SYCE1: variants seen among roughly 807,000 people sequenced by gnomAD.
SYCE1 encodes the protein synaptonemal complex central element protein 1, also known as cancer/testis antigen 76.
SYCE1 carries 37 observed loss-of-function variants against 55.1 expected under a neutral mutation model. The observed-to-expected ratio is 0.67, with a 90% confidence interval of 0.52 to 0.88. The LOEUF is 0.88. SYCE1 is among the 40% of genes least tolerant of loss of function. The pLI is 0.00. For synonymous variants in SYCE1, 163 were observed against 159.4 expected (o/e 1.02, Z -0.17); for missense variants, 399 against 416.4 (o/e 0.96, Z 0.36).
chr10:133,557,179 C>T, intron 6 of SYCE1, 23 bp from the exon 7 acceptor site: 2 of 1,608,014 alleles, frequency 1.2e-6, no homozygotes, highest in Non-Finnish European at 1.7e-6. Flanking sequence ...AGGCAGCCCT[C>T]AGCCATGTTC....
chr10:133,557,055 G>A lies in SYCE1; in HGVS notation c.464+12C>T, dbSNP rs769749728. The stretch of plus-strand genomic sequence containing the variant: ...GCCATCCAAACCCCCTGCCTCAGAT[G>A]CTAAGGTTTACCTCAGCTGTCTCTG... On this transcript the variant is annotated intron_variant, in intron 7 of 12. Transcript: ENST00000343131. The A allele has an allele frequency of 2.5e-6, 4 of 1,613,214 alleles. No homozygotes were observed. The highest frequency in any genetic ancestry group is 3.4e-6 in the Non-Finnish European group (4 of 1,179,286).
At chr10:133,556,673 G>A (rs903035959) in intron 8 of SYCE1, 86 bp downstream of exon 8, 5 of 1,392,546 alleles carry the variant, frequency 3.6e-6, no homozygotes, top group Middle Eastern at 1.7e-4. Flanking sequence ...GACTGGTTGT[G>A]GCAGGTGAGA....
intron 1 of SYCE1, 89 bp from the exon 2 acceptor site, chr10:133,560,242 C>T: frequency 9.0e-7 from 1 of 1,116,724 alleles, no homozygotes; most frequent in South Asian, 1.3e-5. Context: ...GGCAGGTCTC[C>T]AGCCAGAGTG....
chr10:133,565,599 G>T, upstream of SYCE1: 1 of 1,483,890 alleles, frequency 6.7e-7, no homozygotes, highest in Non-Finnish European at 9.1e-7. Context: ...AACCGCCGCT[G>T]GGGGCAGGAC....
chr10:133,566,905 C>T (rs61868696), upstream of SYCE1, among the ~76,000 whole-genome samples: 1 of 28,298 alleles, frequency 3.5e-5, no homozygotes, highest in African/African-American at 4.7e-5. Flanking sequence ...TTAAGGGTTG[C>T]AGGTTAGGCT....
At chr10:133,554,348 CT>C (rs770574003), downstream of SYCE1, 4 of 1,613,384 alleles carry the variant, frequency 2.5e-6, no homozygotes, top group Admixed American at 5.0e-5. Context: ...AAAGGGATCG[CT>C]TTGTCATTAC....
intron 8 of SYCE1, chr10:133,556,426 C>G: frequency 1.9e-6 from 1 of 521,246 alleles, no homozygotes; most frequent in Non-Finnish European, 3.5e-6. Context: ...CTGACACTCA[C>G]TGTCTATTTT....
At chr10:133,558,789 A>G (rs1851750141) in intron 4 of SYCE1, 88 bp downstream of exon 4, 13 of 1,335,868 alleles carry the variant, frequency 9.7e-6, no homozygotes, top group Non-Finnish European at 1.3e-5. Flanking sequence ...ACCCTTGGCC[A>G]TGGCAAGGAT....
At chr10:133,556,514 GT>G (rs1851686928) in intron 8 of SYCE1, 1 of 579,984 alleles carries the variant, frequency 1.7e-6, no homozygotes, top group East Asian at 2.9e-5. Flanking sequence ...GCCCGTGATG[GT>G]CCCAGACACA....
intron 7 of SYCE1, 86 bp downstream of exon 7, chr10:133,556,981 G>A: frequency 6.7e-7 from 1 of 1,500,184 alleles, no homozygotes; most frequent in Non-Finnish European, 9.3e-7. Context: ...ATGGCTCAGT[G>A]TAGCCAGCTT....
At chr10:133,563,615 A>C (rs1851862111) in intron 1 of SYCE1, among the ~76,000 whole-genome samples, 1 of 151,686 alleles carries the variant, frequency 6.6e-6, no homozygotes, top group Admixed American at 6.6e-5. Context: ...TCTTGAGGCC[A>C]GGAGGTCAAG....
downstream of SYCE1, chr10:133,554,441 G>T: frequency 3.1e-6 from 3 of 957,424 alleles, no homozygotes; most frequent in Non-Finnish European, 5.1e-6. Context: ...CAGTGAATTT[G>T]AAACATGTAT....
intron 6 of SYCE1, 59 bp downstream of exon 6, chr10:133,557,805 T>A: frequency 6.3e-7 from 1 of 1,582,454 alleles, no homozygotes; most frequent in Non-Finnish European, 8.7e-7. Flanking sequence ...TTCCTGCCTC[T>A]TTCTGCTCTA....
intron 1 of SYCE1, 37 bp from the exon 2 acceptor site, chr10:133,560,190 G>A (rs10857752): frequency 0.11 from 174,979 of 1,600,878 alleles, 10,998 homozygotes; most frequent in East Asian, 0.27. Flanking sequence ...GAATCAAGCA[G>A]GGCGAGAGGC....
Position 133,565,560 on chromosome 10 carries a change from G to C in SYCE1, c.-31C>G. The C allele has an allele frequency of 1.3e-6, 2 of 1,545,776 alleles. No homozygotes were observed. Among genetic ancestry groups the C allele is most frequent in the African/African-American group, 2.7e-5 (2 of 73,154 alleles). ...CTCAGCTCGCCAGCGAGGGTGCCTCGGGAGGGAGCCTCCAGTGGTGATTGG... is the reference window on the plus strand; with the variant it reads ...CTCAGCTCGCCAGCGAGGGTGCCTCCGGAGGGAGCCTCCAGTGGTGATTGG... On this transcript the variant is annotated 5_prime_UTR_variant, in exon 1 of 13. Transcript: ENST00000343131.
upstream of SYCE1, chr10:133,565,693 T>C: frequency 1.5e-6 from 1 of 651,956 alleles, no homozygotes; most frequent in East Asian, 3.2e-5. Context: ...GTGGCACTAG[T>C]GCGCATGCGT....
In SYCE1 at chr10:133,559,390, A is replaced by G. The variant is rs776454445; in HGVS notation, c.137-30T>C. 30 of 1,612,104 alleles carry G rather than the reference A, an allele frequency of 1.9e-5. No individual in the cohort carries two copies. In the African/African-American group the frequency reaches 3.9e-4, roughly 21 times the overall value. ...ACGGAGGAAAGGAGGTTGAGTTGAC[A>G]GGGCAGGCAGAGTTGGGGCGGTTGC... On this transcript the variant is annotated intron_variant, in intron 2 of 12. Transcript: ENST00000343131.
intron 1 of SYCE1, among the ~76,000 whole-genome samples, chr10:133,561,873 G>T (rs1851822295): frequency 6.6e-6 from 1 of 152,122 alleles, no homozygotes; most frequent in African/African-American, 2.4e-5. Flanking sequence ...TGTGGAACAA[G>T]GCCTCTGAAG....
intron 8 of SYCE1, 77 bp downstream of exon 8, chr10:133,556,682 G>A (rs1851690896): frequency 6.9e-7 from 1 of 1,456,882 alleles, no homozygotes; most frequent in African/African-American, 1.4e-5. Context: ...TGGCAGGTGA[G>A]AGGAAGAAGT....
Sources: allele counts gnomAD v4.1 joint callset (sites outside exome capture counted in the v4.1 genomes callset), GRCh38; gene constraint gnomAD v4.1.1; transcripts MANE v1.5; gene names NCBI Gene and HGNC (gene_info 2026-07-23, HGNC 2026-07-21).